The following VWC2 variants were observed in gnomAD, a reference collection of about 807,000 sequenced individuals.
VWC2 encodes von Willebrand factor C domain containing 2, also known as brorin.
A neutral mutation model predicts 29.8 loss-of-function variants in VWC2; 14 were observed. That is an observed-to-expected ratio of 0.47 (90% CI 0.31 to 0.74). VWC2 has a LOEUF of 0.74. Ranked by LOEUF, VWC2 falls within the 30% of genes least tolerant of loss-of-function variation. The pLI, the probability that VWC2 is intolerant of heterozygous loss-of-function variation, is 0.05. For synonymous variants in VWC2, 213 were observed against 199.0 expected, an observed-to-expected ratio of 1.07 and a Z score of -0.59; for missense variants, 457 against 459.8, an observed-to-expected ratio of 0.99 and a Z score of 0.05.
chr7:49,866,879 T>C (rs1583709024), intron 3 of VWC2, among the ~76,000 whole-genome samples: 1 of 152,206 alleles, frequency 6.6e-6, no homozygotes, highest in East Asian at 1.9e-4. Context: ...GGCGGGAACA[T>C]GCCTGAAATG....
In VWC2 at chr7:49,775,694, C is replaced by G. The variant is rs979238046; in HGVS notation, c.259C>G (p.Arg87Gly). 30 of 1,524,158 alleles carry G rather than the reference C, an allele frequency of 2.0e-5. No homozygotes were observed. The highest frequency in any genetic ancestry group is 9.9e-5 in the African/African-American group (7 of 70,520). 94.4% of individuals were successfully genotyped at this position (1,524,158 alleles called of 1,614,324 possible). ...CAAGAGCGGCCGTGGGCTCGCCGGC[C>G]GTGAGCCGTGGAGCAAGCTGAAGCA... ...KSKSGRGLAG[R>G]EPWSKLKQAW... is the part of the protein sequence containing the mutation. Residue 87 changes from arginine to glycine, a missense_variant, in exon 2 of 4, where the codon CGT becomes GGT. By Grantham distance (125) the Arg-to-Gly change is moderately radical. Around this residue, in one of 2 missense-constraint regions of VWC2, gnomAD observed 272 missense variants for 202.7 expected, o/e 1.34. Coordinates refer to ENST00000340652, the MANE Select transcript of VWC2 (RefSeq NM_198570.5).
intron 2 of VWC2, among the ~76,000 whole-genome samples, chr7:49,789,353 C>CTGTGTGTGTGTGTGAGTGTGAG (rs1788411830): frequency 6.9e-6 from 1 of 145,630 alleles, no homozygotes; most frequent in African/African-American, 2.5e-5. Context: ...GTATATGTGG[C>CTGTGTGTGTGTGTGAGTGTGAG]TGTGTGTGTG....
At chr7:49,783,663 A>G (rs1788227877) in intron 2 of VWC2, among the ~76,000 whole-genome samples, 1 of 152,162 alleles carries the variant, frequency 6.6e-6, no homozygotes, top group Non-Finnish European at 1.5e-5. Context: ...TGCCTTTCAA[A>G]TCTGTGGAAA....
chr7:49,867,745 C>T (rs1790964981), intron 3 of VWC2, among the ~76,000 whole-genome samples: 1 of 152,248 alleles, frequency 6.6e-6, no homozygotes, highest in Non-Finnish European at 1.5e-5. Flanking sequence ...AAAGTACAAA[C>T]AGCAGAAGAC....
intron 3 of VWC2, among the ~76,000 whole-genome samples, chr7:49,900,714 G>A (rs1792677385): frequency 6.6e-6 from 1 of 151,716 alleles, no homozygotes; most frequent in South Asian, 2.1e-4. Context: ...GATCACTGGT[G>A]AATTATACCA....
At chr7:49,904,534 T>C (rs1792974497) in intron 3 of VWC2, among the ~76,000 whole-genome samples, 1 of 152,234 alleles carries the variant, frequency 6.6e-6, no homozygotes, top group South Asian at 2.1e-4. Flanking sequence ...TTAGGAATGC[T>C]GCTTATAGGA....
chr7:49,858,278 C>A (rs1790506344), intron 3 of VWC2, among the ~76,000 whole-genome samples: 1 of 152,004 alleles, frequency 6.6e-6, no homozygotes, highest in African/African-American at 2.4e-5. Flanking sequence ...TGGCACTATT[C>A]ACAATAGCAA....
At chr7:49,882,107 T>C (rs1791689729) in intron 3 of VWC2, among the ~76,000 whole-genome samples, 1 of 152,176 alleles carries the variant, frequency 6.6e-6, no homozygotes, top group Non-Finnish European at 1.5e-5. Flanking sequence ...TGTATAAACA[T>C]AGATTTATAT....
At chr7:49,885,509 G>A (rs943652550) in intron 3 of VWC2, among the ~76,000 whole-genome samples, 5 of 151,520 alleles carry the variant, frequency 3.3e-5, no homozygotes, top group African/African-American at 7.3e-5. Flanking sequence ...GGTAAAACTC[G>A]TTATATAATT....
At chr7:49,840,483 A>C (rs1248240997) in intron 3 of VWC2, among the ~76,000 whole-genome samples, 1 of 152,144 alleles carries the variant, frequency 6.6e-6, no homozygotes, top group African/African-American at 2.4e-5. Flanking sequence ...GCATGGTGGA[A>C]AGCCGTTTTA....
chr7:49,903,690 G>A (rs944310046), intron 3 of VWC2, among the ~76,000 whole-genome samples: 3 of 152,168 alleles, frequency 2.0e-5, no homozygotes, highest in African/African-American at 4.8e-5. Context: ...TAACATAGAC[G>A]TATATGCACA....
intron 3 of VWC2, among the ~76,000 whole-genome samples, chr7:49,862,298 G>GC (rs1040987130): frequency 6.7e-6 from 1 of 149,560 alleles, no homozygotes; most frequent in African/African-American, 2.6e-5. Flanking sequence ...TAGAAAAACA[G>GC]CCTTTTTTTG....
At chr7:49,871,947 ACACACACACAC>A (rs1486266971) in intron 3 of VWC2, among the ~76,000 whole-genome samples, 3 of 140,124 alleles carry the variant, frequency 2.1e-5, no homozygotes, top group Non-Finnish European at 3.1e-5. Context: ...ACACACACAC[ACACACACACAC>A]CGAGAAAGAG....
intron 3 of VWC2, among the ~76,000 whole-genome samples, chr7:49,849,102 A>G (rs939769262): frequency 1.3e-5 from 2 of 152,038 alleles, no homozygotes; most frequent in African/African-American, 4.8e-5. Flanking sequence ...ACTGTACTGT[A>G]TTTCTTATTT....
At chr7:49,792,024 G>C (rs1187270350) in intron 2 of VWC2, among the ~76,000 whole-genome samples, 1 of 152,150 alleles carries the variant, frequency 6.6e-6, no homozygotes, top group East Asian at 1.9e-4. Flanking sequence ...GGGAAACACT[G>C]GTGAGAAAGA....
chr7:49,877,484 ATAT>A lies in VWC2; in HGVS notation c.827-34549_827-34547del, dbSNP rs1791480132. Among the ~76,000 whole-genome samples the A allele has an allele frequency of 1.6e-3, 42 of 26,574 alleles. 4 individuals carry two copies. Among genetic ancestry groups the A allele is most frequent in the East Asian group, 8.7e-3 (6 of 686 alleles). 17.4% of individuals were successfully genotyped at this position (26,574 alleles called of 152,430 possible). ...TCTCAAAAAAAAAAAAAAAAAAAAT[ATAT>A]ATATATATATATATATATATATATA... On this transcript the variant is annotated intron_variant, in intron 3 of 3. Transcript: ENST00000340652.
intron 3 of VWC2, among the ~76,000 whole-genome samples, chr7:49,842,385 T>A (rs1280149655): frequency 6.6e-6 from 1 of 152,212 alleles, no homozygotes; most frequent in East Asian, 1.9e-4. Flanking sequence ...ATTTTAATTT[T>A]ATTTTATTTT....
At chr7:49,833,892 C>T (rs1445328354) in intron 3 of VWC2, among the ~76,000 whole-genome samples, 1 of 152,126 alleles carries the variant, frequency 6.6e-6, no homozygotes, top group African/African-American at 2.4e-5. Flanking sequence ...TATTGTTTAG[C>T]TCATGACTTT....
At chr7:49,862,405 C>A (rs923634054) in intron 3 of VWC2, among the ~76,000 whole-genome samples, 1 of 152,160 alleles carries the variant, frequency 6.6e-6, no homozygotes, top group Admixed American at 6.5e-5. Flanking sequence ...CAGGATCATA[C>A]TAACCGTGAA....
Sources: allele counts gnomAD v4.1 joint callset (sites outside exome capture counted in the v4.1 genomes callset), GRCh38; gene constraint gnomAD v4.1.1; regional missense constraint gnomAD v4.1.1; transcripts MANE v1.5; gene names NCBI Gene and HGNC (gene_info 2026-07-23, HGNC 2026-07-21).